The following PLXDC2 variants were observed in gnomAD, a reference collection of about 807,000 sequenced individuals.
The protein encoded by PLXDC2 is plexin domain-containing protein 2.
In PLXDC2, 40 loss-of-function variants were observed where a neutral mutation model predicts 68.9. That is an observed-to-expected ratio of 0.58 (90% CI 0.45 to 0.76). The LOEUF (loss-of-function observed/expected upper bound fraction) is 0.76, where lower values mean the gene tolerates loss of function less well. Ranked by LOEUF, PLXDC2 falls within the 30% of genes least tolerant of loss-of-function variation. The probability of loss-of-function intolerance (pLI) is 0.00; values close to 1 mark genes in which losing one functional copy is unlikely to be tolerated. For synonymous variants in PLXDC2, 243 were observed against 234.2 expected (o/e 1.04, Z -0.34); for missense variants, 644 against 661.9 (o/e 0.97, Z 0.30).
chr10:20,262,548 G>C lies in PLXDC2; in HGVS notation c.1473+17043G>C, dbSNP rs1835822169. Reference sequence around the variant, plus strand: ...TAGCCATTCCAGCCTTCAGGCTTCAGAGAGTCTGAGCCAACCTGGGACAGA... The same window carrying C: ...TAGCCATTCCAGCCTTCAGGCTTCACAGAGTCTGAGCCAACCTGGGACAGA... On this transcript the variant is annotated intron_variant, in intron 13 of 13. Transcript: ENST00000377252. Among the ~76,000 whole-genome samples, 4 of 152,162 alleles carry C rather than the reference G, an allele frequency of 2.6e-5. No homozygotes were observed. In the South Asian group the frequency reaches 8.3e-4, roughly 31 times the overall value.
chr10:19,996,708 G>T (rs1165996583), intron 1 of PLXDC2, among the ~76,000 whole-genome samples: 1 of 152,152 alleles, frequency 6.6e-6, no homozygotes, highest in African/African-American at 2.4e-5. Flanking sequence ...GTGAAACTGG[G>T]TAATTTATAC....
At chr10:20,044,939 A>C (rs1835771100) in intron 2 of PLXDC2, among the ~76,000 whole-genome samples, 1 of 152,154 alleles carries the variant, frequency 6.6e-6, no homozygotes, top group African/African-American at 2.4e-5. Flanking sequence ...CCGCGGACAC[A>C]TTCACAGTGT....
intron 11 of PLXDC2, 56 bp from the exon 12 acceptor site, chr10:20,219,008 A>T (rs1425022348): frequency 1.9e-6 from 3 of 1,582,990 alleles, no homozygotes; most frequent in African/African-American, 2.7e-5. Context: ...CATAAGATTT[A>T]TGCTCCTTTG....
At chr10:19,973,296 G>GTGTATA (rs1554849833) in intron 1 of PLXDC2, among the ~76,000 whole-genome samples, 1 of 76,760 alleles carries the variant, frequency 1.3e-5, no homozygotes, top group African/African-American at 5.0e-5. Context: ...ACATATATAT[G>GTGTATA]TATATATATA....
At position 19,818,867 on chromosome 10, in the gene PLXDC2, G is replaced by A. The variant is rs894193823; in HGVS notation, c.112+1676G>A. On this transcript the variant is annotated intron_variant, in intron 1 of 13. Transcript: ENST00000377252. ...AACTCCACCACAAACGAGGTTAAAAGGATGTGTGTGCCAATGTGCATCCCA... is the reference window on the plus strand; with the variant it reads ...AACTCCACCACAAACGAGGTTAAAAAGATGTGTGTGCCAATGTGCATCCCA... 7.2e-5 allele frequency among the ~76,000 whole-genome samples: 11 copies of A among 152,208 alleles called. No homozygotes were observed. The South Asian group carries it at 2.3e-3, about 32-fold the overall frequency.
At chr10:19,912,757 GACA>G (rs1031128167) in intron 1 of PLXDC2, among the ~76,000 whole-genome samples, 4 of 152,110 alleles carry the variant, frequency 2.6e-5, no homozygotes, top group South Asian at 2.1e-4. Flanking sequence ...ATTGATAAAT[GACA>G]ACAATTAAAT....
chr10:20,107,306 T>A (rs1189652661), intron 4 of PLXDC2, among the ~76,000 whole-genome samples: 1 of 152,076 alleles, frequency 6.6e-6, no homozygotes, highest in East Asian at 1.9e-4. Flanking sequence ...GGTTAGAAAC[T>A]GTGTCTGTGT....
chr10:19,955,623 A>T (rs1834056929), intron 1 of PLXDC2, among the ~76,000 whole-genome samples: 2 of 152,244 alleles, frequency 1.3e-5, no homozygotes, highest in South Asian at 4.1e-4. Context: ...AATAAGATAA[A>T]ATACGTAAAA....
intron 1 of PLXDC2, among the ~76,000 whole-genome samples, chr10:19,969,859 T>C (rs75753615): frequency 1.6e-3 from 238 of 152,326 alleles, no homozygotes; most frequent in African/African-American, 5.5e-3. Context: ...ATGCCCTGTT[T>C]TTGGAAAATA....
At chr10:19,954,048 C>G (rs575163514) in intron 1 of PLXDC2, among the ~76,000 whole-genome samples, 34 of 151,950 alleles carry the variant, frequency 2.2e-4, no homozygotes, top group South Asian at 1.0e-3. Context: ...TGATATAAAT[C>G]CAGCTGAATC....
intron 13 of PLXDC2, among the ~76,000 whole-genome samples, chr10:20,256,948 A>G (rs1261682022): frequency 6.6e-6 from 1 of 152,236 alleles, no homozygotes; most frequent in Non-Finnish European, 1.5e-5. Flanking sequence ...CTTGTAGAGG[A>G]AAGAGTAAGT....
chr10:19,985,459 T>G (rs1280482708), intron 1 of PLXDC2, among the ~76,000 whole-genome samples: 1 of 152,216 alleles, frequency 6.6e-6, no homozygotes, highest in Non-Finnish European at 1.5e-5. Context: ...TTATTTCCAC[T>G]TAGAGAAGTT....
chr10:19,910,316 C>T (rs144328093), intron 1 of PLXDC2, among the ~76,000 whole-genome samples: 2 of 152,008 alleles, frequency 1.3e-5, no homozygotes, highest in Non-Finnish European at 2.9e-5. Flanking sequence ...AGAAGAACAA[C>T]AACATTTTTG....
chr10:19,818,813 G>C (rs549379887), intron 1 of PLXDC2, among the ~76,000 whole-genome samples: 1 of 152,112 alleles, frequency 6.6e-6, no homozygotes, highest in East Asian at 1.9e-4. Context: ...CTTATTCACG[G>C]TATGAATAGA....
chr10:19,957,742 T>C (rs553388942), intron 1 of PLXDC2, among the ~76,000 whole-genome samples: 1 of 152,284 alleles, frequency 6.6e-6, no homozygotes, highest in African/African-American at 2.4e-5. Context: ...CCATATGTTC[T>C]TGCTGGGTCA....
intron 13 of PLXDC2, among the ~76,000 whole-genome samples, chr10:20,273,561 C>T (rs1835966820): frequency 6.6e-6 from 1 of 152,040 alleles, no homozygotes; most frequent in Admixed American, 6.6e-5. Flanking sequence ...CACATATATA[C>T]ATATCATATG....
chr10:20,164,179 G>C (rs1223069833), intron 6 of PLXDC2, among the ~76,000 whole-genome samples: 1 of 152,020 alleles, frequency 6.6e-6, no homozygotes, highest in Admixed American at 6.6e-5. Flanking sequence ...ATGTGTGATA[G>C]GTTTGCAGCA....
At chr10:20,018,611 T>C (rs1210739491) in intron 2 of PLXDC2, among the ~76,000 whole-genome samples, 1 of 152,218 alleles carries the variant, frequency 6.6e-6, no homozygotes, top group East Asian at 1.9e-4. Flanking sequence ...TTTTCAAAAG[T>C]ATTTAAACAT....
chr10:20,080,912 C>T (rs762173503), intron 4 of PLXDC2, among the ~76,000 whole-genome samples: 13 of 152,194 alleles, frequency 8.5e-5, no homozygotes, highest in Non-Finnish European at 1.3e-4. Context: ...AAGGTAACTT[C>T]CACAAAGCTA....
Sources: gnomAD v4.1 joint callset for allele counts (sites outside exome capture counted in the v4.1 genomes callset) on GRCh38, gnomAD v4.1.1 for gene constraint, MANE v1.5 for transcripts, NCBI Gene and HGNC (gene_info 2026-07-23, HGNC 2026-07-21) for gene names.